Variants in IKBKE observed in about 807,000 individuals in gnomAD.
IKBKE encodes inhibitor of nuclear factor kappa-B kinase subunit epsilon.
Under a neutral mutation model 92.1 loss-of-function variants are expected in IKBKE, and 45 were observed. The observed-to-expected ratio is 0.49, with a 90% CI of 0.38 to 0.63. The LOEUF (loss-of-function observed/expected upper bound fraction) is 0.63. Ranked by LOEUF, IKBKE falls within the 20% of genes least tolerant of loss-of-function variation. The probability of loss-of-function intolerance (pLI) is 0.00; values close to 1 mark genes in which losing one functional copy is unlikely to be tolerated. For synonymous variants in IKBKE, 374 were observed against 380.3 expected (o/e 0.98, Z 0.19); for missense variants, 700 against 932.8 (o/e 0.75, Z 3.25).
intron 20 of IKBKE, 21 bp downstream of exon 20, chr1:206,493,399 G>A (rs145929084): frequency 5.9e-5 from 92 of 1,565,716 alleles, no homozygotes; most frequent in African/African-American, 8.1e-5. Flanking sequence ...GGGAGAAAGC[G>A]GTTGTGTATC....
chr1:206,481,135 G>A (rs1485338956), intron 13 of IKBKE, among the ~76,000 whole-genome samples: 1 of 152,204 alleles, frequency 6.6e-6, no homozygotes, highest in Non-Finnish European at 1.5e-5. Flanking sequence ...TCTGGAGATG[G>A]GGAATGTGGG....
In IKBKE at chr1:206,495,962, G is replaced by C. The variant is rs1302286570; in HGVS notation, c.2118-150G>C. The stretch of plus-strand genomic sequence containing the variant: ...TATAGTCAGAGGCGAGAGCCAGTGG[G>C]TTCTTGTCGGGGAGTGAGGGTGCTA... On this transcript the variant is annotated intron_variant, in intron 21 of 21. Coordinates refer to ENST00000581977, the MANE Select transcript of IKBKE (RefSeq NM_014002.4). 1.0e-5 allele frequency: 6 copies of C among 582,974 alleles called. No individual in the cohort carries two copies. In the African/African-American group the frequency reaches 1.1e-4, roughly 11 times the overall value. 36.1% of individuals were successfully genotyped at this position (582,974 alleles called of 1,614,324 possible).
chr1:206,480,759 A>C (rs1553386881), intron 13 of IKBKE, among the ~76,000 whole-genome samples: 1 of 152,138 alleles, frequency 6.6e-6, no homozygotes, highest in Non-Finnish European at 1.5e-5. Context: ...GAAGGGGCCC[A>C]TGGGGGCACA....
At chr1:206,473,883 C>T (rs1158708346) in intron 3 of IKBKE, among the ~76,000 whole-genome samples, 1 of 148,278 alleles carries the variant, frequency 6.7e-6, no homozygotes, top group African/African-American at 2.5e-5. Context: ...ATCGCTTGAA[C>T]CTGGGAGGCA....
Position 206,490,967 on chromosome 1 carries a change from GC to G in IKBKE, c.1733+110del. On this transcript the variant is annotated intron_variant, in intron 17 of 21. Coordinates refer to ENST00000581977, the MANE Select transcript of IKBKE (RefSeq NM_014002.4). The surrounding 1 kb of genome is among the most constrained non-coding windows in gnomAD (Gnocchi z 5.2). Reference sequence around the variant, plus strand: ...GCAGTGAAGGGCCCTGTCCCGGACTGCAGCTGAGCAGAGTTGGGGATAACAG... The same window carrying G: ...GCAGTGAAGGGCCCTGTCCCGGACTGAGCTGAGCAGAGTTGGGGATAACAG... 1 of 1,015,330 alleles carries G rather than the reference GC, an allele frequency of 9.8e-7. No individual in the cohort carries two copies. The allele number at this position is 1,015,330 out of a possible 1,614,324, so 62.9% of individuals were successfully genotyped here.
intron 16 of IKBKE, among the ~76,000 whole-genome samples, chr1:206,489,367 GTGTATATATATATATATATATA>G (rs1428484096): frequency 0.015 from 780 of 51,376 alleles, 5 homozygotes; most frequent in Middle Eastern, 0.053. Flanking sequence ...GTGTGTGTGT[GTGTATATATATATATATATATA>G]TATATATATA....
intron 21 of IKBKE, 128 bp from the exon 22 acceptor site, chr1:206,495,984 G>A: frequency 6.4e-6 from 4 of 626,574 alleles, no homozygotes; most frequent in Non-Finnish European, 1.2e-5. Flanking sequence ...GAGTGAGGGT[G>A]CTACAAGGGG....
Position 206,475,228 on chromosome 1 carries a change from T to C in IKBKE, c.358+234T>C, listed in dbSNP as rs1664994595. On this transcript the variant is annotated intron_variant, in intron 5 of 21. Transcript: ENST00000581977. ...AATGTGGGAGGTACCTAAAATAGAA[T>C]ATTATTCAGTCTTAAAAGGAAAGAA... The C allele has an allele frequency of 1.5e-5, 8 of 517,820 alleles. No individual in the cohort carries two copies. The Admixed American group carries it at 2.8e-4, about 18-fold the overall frequency. 32.1% of individuals were successfully genotyped at this position (517,820 alleles called of 1,614,324 possible).
intron 3 of IKBKE, 148 bp downstream of exon 3, chr1:206,473,462 G>A: frequency 3.2e-6 from 2 of 617,568 alleles, no homozygotes; most frequent in Non-Finnish European, 5.7e-6. Flanking sequence ...CTGTGGGTTT[G>A]AGCAGAGGCA....
intron 21 of IKBKE, among the ~76,000 whole-genome samples, chr1:206,494,308 A>C (rs1259435840): frequency 6.6e-6 from 1 of 152,170 alleles, no homozygotes; most frequent in Non-Finnish European, 1.5e-5. Flanking sequence ...TGCCTCCTTG[A>C]ATCACAGCCA....
chr1:206,481,818 C>T (rs551889851), intron 13 of IKBKE, among the ~76,000 whole-genome samples: 75 of 125,534 alleles, frequency 6.0e-4, no homozygotes, highest in Middle Eastern at 0.013. Context: ...CTCGCTCTGT[C>T]GCCCAGGCTG....
chr1:206,472,470 G>C (rs1454689113), intron 2 of IKBKE, among the ~76,000 whole-genome samples: 2 of 151,964 alleles, frequency 1.3e-5, no homozygotes, highest in Non-Finnish European at 2.9e-5. Context: ...AGTTGTAGGG[G>C]GTTTCAGATT....
Position 206,476,918 on chromosome 1 carries a change from C to A in IKBKE, c.701+80C>A. On this transcript the variant is annotated intron_variant, in intron 7 of 21. Transcript: ENST00000581977. The surrounding 1 kb of genome is among the most constrained non-coding windows in gnomAD (Gnocchi z 5.1). The stretch of plus-strand genomic sequence containing the variant: ...CCCCCACCGGTCCTTGCTGTGTCTT[C>A]TGGTCCCCTCACACTCCATGGCCCT... 6.6e-7 allele frequency: 1 copy of A among 1,510,586 alleles called. No homozygotes were observed. Among genetic ancestry groups the A allele is most frequent in the Non-Finnish European group, 9.1e-7 (1 of 1,096,030 alleles). The allele number at this position is 1,510,586 out of a possible 1,614,324, so 93.6% of individuals were successfully genotyped here. A position where few individuals can be genotyped will look rare whatever the true frequency, so the allele number is the denominator to read the frequency against.
At chr1:206,494,795 G>A (rs544734546) in intron 21 of IKBKE, among the ~76,000 whole-genome samples, 44 of 150,914 alleles carry the variant, frequency 2.9e-4, no homozygotes, top group African/African-American at 1.0e-3. Flanking sequence ...GTAGAGACAG[G>A]GTTTCACCAT....
At position 206,487,407 on chromosome 1, in the gene IKBKE, T is replaced by C. The variant is rs745887486; in HGVS notation, c.1617-507T>C. Among the ~76,000 whole-genome samples, 3 of 152,244 alleles carry C rather than the reference T, an allele frequency of 2.0e-5. No individual in the cohort carries two copies. Among genetic ancestry groups the C allele is most frequent in the Non-Finnish European group, 4.4e-5 (3 of 68,040 alleles). ...TCATTCTTGTTTTCAATAAGGATTATTGATTCATTATTTATGTTAAGTTTC... is the reference window on the plus strand; with the variant it reads ...TCATTCTTGTTTTCAATAAGGATTACTGATTCATTATTTATGTTAAGTTTC... On this transcript the variant is annotated intron_variant, in intron 15 of 21. Transcript: ENST00000581977. This position sits in a 1 kb window ranked among gnomAD's most constrained non-coding sequence, Gnocchi z 5.3.
At chr1:206,472,130 G>A (rs1289429857) in intron 2 of IKBKE, among the ~76,000 whole-genome samples, 1 of 152,142 alleles carries the variant, frequency 6.6e-6, no homozygotes, top group African/African-American at 2.4e-5. Context: ...CACACCTATG[G>A]TCCTAAGCTC....
chr1:206,484,470 C>T lies in IKBKE; in HGVS notation c.1428-527C>T, dbSNP rs532147764. On this transcript the variant is annotated intron_variant, in intron 13 of 21. Transcript: ENST00000581977. ...GAAGCAGAGTGGTGTGACCTTGTCA[C>T]CGTGCAAATGCCCACCCCATTATCA... Among the ~76,000 whole-genome samples, 12 of 152,258 alleles carry T rather than the reference C, an allele frequency of 7.9e-5. 1 individual carries two copies. In the East Asian group the frequency reaches 2.1e-3, roughly 27 times the overall value.
chr1:206,492,938 T>C (rs557273815), intron 18 of IKBKE, 85 bp from the exon 19 acceptor site: 3 of 1,155,586 alleles, frequency 2.6e-6, no homozygotes, highest in East Asian at 2.6e-5. Flanking sequence ...CCTGTGTCCA[T>C]GTGTGGATCC....
Position 206,473,225 on chromosome 1 carries a change from G to C in IKBKE, c.-3G>C. 1 of 1,610,712 alleles carries C rather than the reference G, an allele frequency of 6.2e-7. No individual in the cohort carries two copies. The highest frequency in any genetic ancestry group is 8.5e-7 in the Non-Finnish European group (1 of 1,178,174). ...AAGGTGACCAGCCAGCTCAGGGCAG[G>C]AGATGCAGAGCACAGCCAATTACCT... is the stretch of plus-strand genomic sequence containing the variant. On this transcript the variant is annotated 5_prime_UTR_variant, in exon 3 of 22. Coordinates refer to ENST00000581977, the MANE Select transcript of IKBKE (RefSeq NM_014002.4).
Sources: allele counts gnomAD v4.1 joint callset (sites outside exome capture counted in the v4.1 genomes callset), GRCh38; gene constraint gnomAD v4.1.1; non-coding constraint Gnocchi (gnomAD v3.1); transcripts MANE v1.5; gene names NCBI Gene and HGNC (gene_info 2026-07-23, HGNC 2026-07-21).